Variants in GPC5 observed in about 807,000 individuals in gnomAD.
GPC5 encodes the protein glypican 5.
In GPC5, 47 loss-of-function variants were observed where a neutral mutation model predicts 53.9. The observed-to-expected ratio is 0.87, with a 90% CI of 0.69 to 1.11. The LOEUF (loss-of-function observed/expected upper bound fraction) is 1.11. Ranked by LOEUF, GPC5 falls within the 50% of genes most tolerant of loss-of-function variation. GPC5 has a pLI of 0.00. For missense variants in GPC5, 748 were observed against 713.1 expected, an observed-to-expected ratio of 1.05 and a Z score of -0.56; for synonymous variants, 286 against 263.3, an observed-to-expected ratio of 1.09 and a Z score of -0.84.
chr13:92,752,482 G>A (rs1442426862), intron 7 of GPC5, among the ~76,000 whole-genome samples: 1 of 152,192 alleles, frequency 6.6e-6, no homozygotes, highest in Non-Finnish European at 1.5e-5. Context: ...GATGGGGGGA[G>A]GAGCCAAGAT....
At chr13:91,931,897 ATC>A (rs1054498128) in intron 6 of GPC5, among the ~76,000 whole-genome samples, 17 of 152,106 alleles carry the variant, frequency 1.1e-4, no homozygotes, top group African/African-American at 4.1e-4. Flanking sequence ...CATTCATTAC[ATC>A]TCTGTTTATA....
chr13:91,444,916 G>A (rs1880680777), intron 1 of GPC5, among the ~76,000 whole-genome samples: 1 of 152,180 alleles, frequency 6.6e-6, no homozygotes, highest in Admixed American at 6.6e-5. Context: ...GATCCCCGAA[G>A]CATCAGATAG....
At chr13:92,559,384 G>A (rs1312374502) in intron 7 of GPC5, among the ~76,000 whole-genome samples, 5 of 150,900 alleles carry the variant, frequency 3.3e-5, no homozygotes, top group East Asian at 2.0e-4. Context: ...GTGTGGGGGC[G>A]CGGGTGTACT....
chr13:92,106,526 T>C (rs2041511558), intron 6 of GPC5, among the ~76,000 whole-genome samples: 1 of 152,014 alleles, frequency 6.6e-6, no homozygotes, highest in Admixed American at 6.6e-5. Context: ...ATGAATTGAA[T>C]CATAAAAATT....
chr13:91,611,032 G>T (rs537722238), intron 2 of GPC5, among the ~76,000 whole-genome samples: 1 of 152,170 alleles, frequency 6.6e-6, no homozygotes, highest in Non-Finnish European at 1.5e-5. Context: ...GTTAGAAATT[G>T]CCAGGGAGTC....
At chr13:92,092,392 A>C (rs1199861233) in intron 6 of GPC5, among the ~76,000 whole-genome samples, 1 of 152,230 alleles carries the variant, frequency 6.6e-6, no homozygotes, top group African/African-American at 2.4e-5. Context: ...ACTTCGACTT[A>C]TAAAATGTAT....
chr13:92,731,098 C>T (rs1440882689), intron 7 of GPC5, among the ~76,000 whole-genome samples: 1 of 151,288 alleles, frequency 6.6e-6, no homozygotes, highest in Non-Finnish European at 1.5e-5. Context: ...GCTGGTAATC[C>T]ACTCCCACCA....
intron 7 of GPC5, among the ~76,000 whole-genome samples, chr13:92,554,971 C>A (rs1882444515): frequency 6.7e-6 from 1 of 148,742 alleles, no homozygotes; most frequent in South Asian, 2.1e-4. Flanking sequence ...TATGTTCTGG[C>A]ACTGTTTAAA....
intron 7 of GPC5, among the ~76,000 whole-genome samples, chr13:92,359,368 A>C (rs1594131186): frequency 1.3e-5 from 2 of 151,654 alleles, no homozygotes. Flanking sequence ...CATTTTGGTC[A>C]CAACAATTTA....
At chr13:91,967,856 C>T (rs2040195701) in intron 6 of GPC5, among the ~76,000 whole-genome samples, 1 of 152,212 alleles carries the variant, frequency 6.6e-6, no homozygotes, top group African/African-American at 2.4e-5. Context: ...ATTTCTGTCA[C>T]ATGCTTGCCA....
chr13:92,042,324 A>C (rs1303312086), intron 6 of GPC5, among the ~76,000 whole-genome samples: 3 of 152,166 alleles, frequency 2.0e-5, no homozygotes, highest in African/African-American at 4.8e-5. Context: ...CAAAAAGTAT[A>C]TGCGCTTGGA....
chr13:92,283,392 C>A (rs561284110), intron 7 of GPC5, among the ~76,000 whole-genome samples: 1 of 152,270 alleles, frequency 6.6e-6, no homozygotes, highest in Admixed American at 6.5e-5. Flanking sequence ...CCAAGGGGAC[C>A]TAATAGACAT....
At chr13:92,071,695 A>G (rs1413482742) in intron 6 of GPC5, among the ~76,000 whole-genome samples, 2 of 151,900 alleles carry the variant, frequency 1.3e-5, no homozygotes, top group Non-Finnish European at 2.9e-5. Context: ...TCTAATATTT[A>G]TCCTTCCAGA....
chr13:92,531,996 A>G (rs898668312), intron 7 of GPC5, among the ~76,000 whole-genome samples: 1 of 152,198 alleles, frequency 6.6e-6, no homozygotes, highest in East Asian at 1.9e-4. Flanking sequence ...TGCACTTTAG[A>G]GAATTTTATA....
intron 7 of GPC5, among the ~76,000 whole-genome samples, chr13:92,755,403 C>T (rs910872785): frequency 1.5e-5 from 2 of 135,046 alleles, no homozygotes; most frequent in African/African-American, 2.5e-5. Context: ...GATACCCTAA[C>T]ATCACAATTA....
intron 7 of GPC5, among the ~76,000 whole-genome samples, chr13:92,173,653 G>A (rs757621405): frequency 9.2e-5 from 14 of 152,112 alleles, no homozygotes; most frequent in Non-Finnish European, 1.8e-4. Context: ...AATGCAATGA[G>A]CAAAAACCTA....
chr13:91,788,109 G>A (rs1481024394), intron 5 of GPC5, among the ~76,000 whole-genome samples: 2 of 152,064 alleles, frequency 1.3e-5, no homozygotes, highest in Non-Finnish European at 2.9e-5. Context: ...TCATTGACTG[G>A]GTGACTTAAA....
At chr13:92,834,642 G>T (rs1253090733) in intron 7 of GPC5, among the ~76,000 whole-genome samples, 1 of 151,986 alleles carries the variant, frequency 6.6e-6, no homozygotes, top group Admixed American at 6.6e-5. Context: ...TCTTCCTAAC[G>T]TCTAATGTCT....
chr13:92,624,064 G>A (rs1416659830), intron 7 of GPC5, among the ~76,000 whole-genome samples: 5 of 140,830 alleles, frequency 3.6e-5, no homozygotes, highest in South Asian at 2.2e-4. Flanking sequence ...GTTTCCCCAC[G>A]TTGGCCAGGC....
Sources: allele counts gnomAD v4.1 joint callset (sites outside exome capture counted in the v4.1 genomes callset), GRCh38; gene constraint gnomAD v4.1.1; transcripts MANE v1.5; gene names NCBI Gene and HGNC (gene_info 2026-07-23, HGNC 2026-07-21).